SLC25A33: variants seen among roughly 807,000 people sequenced by gnomAD.
SLC25A33 encodes bone marrow stromal cell mitochondrial carrier protein.
In SLC25A33, 15 loss-of-function variants were observed where a neutral mutation model predicts 35.5. The observed-to-expected ratio is 0.42, with a 90% CI of 0.28 to 0.65. The LOEUF is 0.65. Ranked by LOEUF, SLC25A33 falls within the 30% of genes least tolerant of loss-of-function variation. SLC25A33 has a pLI of 0.20. For synonymous variants in SLC25A33, 136 were observed against 148.7 expected (o/e 0.91, Z 0.62); for missense variants, 257 against 398.5 (o/e 0.64, Z 3.02).
At chr1:9,576,378 C>T (rs1268328076) in intron 5 of SLC25A33, 1 of 360,638 alleles carries the variant, frequency 2.8e-6, no homozygotes. Context: ...CAGCACCCAA[C>T]TCCCATCTTA....
At chr1:9,557,019 C>T (rs999055437) in intron 2 of SLC25A33, among the ~76,000 whole-genome samples, 3 of 152,116 alleles carry the variant, frequency 2.0e-5, no homozygotes, top group South Asian at 4.1e-4. Flanking sequence ...GCACAACCTC[C>T]GCCTCCCAGG....
Position 9,582,232 on chromosome 1 carries a change from A to G in SLC25A33, c.764-67A>G. 4 of 1,556,252 alleles carry G rather than the reference A, an allele frequency of 2.6e-6. No homozygotes were observed. Among genetic ancestry groups the G allele is most frequent in the Non-Finnish European group, 3.5e-6 (4 of 1,128,634 alleles). On this transcript the variant is annotated intron_variant, in intron 6 of 6. Transcript: ENST00000302692. The surrounding 1 kb of genome is among the most constrained non-coding windows in gnomAD (Gnocchi z 4.0). ...CCCGGCCTAACCTTGACAGTTTTAA[A>G]GTTGTGTGCTGTGGATTCGTTCCCC...
chr1:9,556,681 C>CTGTGTGTGTGTGTGTG (rs139323135), intron 2 of SLC25A33, among the ~76,000 whole-genome samples: 34 of 149,492 alleles, frequency 2.3e-4, no homozygotes, highest in African/African-American at 8.1e-4. Context: ...GTGTCTGTGT[C>CTGTGTGTGTGTGTGTG]TGTGTGTGTG....
At chr1:9,562,155 C>T (rs1401074267) in intron 2 of SLC25A33, among the ~76,000 whole-genome samples, 1 of 151,968 alleles carries the variant, frequency 6.6e-6, no homozygotes, top group Non-Finnish European at 1.5e-5. Context: ...CAAGACCAGC[C>T]TGGCCAACAT....
At chr1:9,557,976 G>A (rs1643369672) in intron 2 of SLC25A33, among the ~76,000 whole-genome samples, 2 of 152,264 alleles carry the variant, frequency 1.3e-5, no homozygotes, top group Non-Finnish European at 2.9e-5. Flanking sequence ...AAAATTGTGG[G>A]TACATAGTAG....
At chr1:9,556,681 C>CTGTG (rs139323135) in intron 2 of SLC25A33, among the ~76,000 whole-genome samples, 102 of 149,490 alleles carry the variant, frequency 6.8e-4, no homozygotes, top group Admixed American at 1.9e-3. Context: ...GTGTCTGTGT[C>CTGTG]TGTGTGTGTG....
intron 2 of SLC25A33, among the ~76,000 whole-genome samples, chr1:9,562,973 C>T (rs1455936254): frequency 2.1e-5 from 3 of 141,552 alleles, no homozygotes; most frequent in African/African-American, 8.0e-5. Flanking sequence ...GGCTGGAGTG[C>T]AGTGGCGCAA....
chr1:9,572,914 A>C (rs1643611228), intron 4 of SLC25A33, among the ~76,000 whole-genome samples: 1 of 152,070 alleles, frequency 6.6e-6, no homozygotes, highest in Non-Finnish European at 1.5e-5. Flanking sequence ...AAAAAAAAAA[A>C]AAAATTTTTT....
At chr1:9,540,114 C>T (rs1643055261) in intron 1 of SLC25A33, among the ~76,000 whole-genome samples, 1 of 152,192 alleles carries the variant, frequency 6.6e-6, no homozygotes, top group South Asian at 2.1e-4. Flanking sequence ...CTCCTGGGGC[C>T]TCTCCCGAAG....
Position 9,564,765 on chromosome 1 carries a change from T to TATATATATATATATATAC in SLC25A33, c.237-2518_237-2517insTATATATATATATATACA, listed in dbSNP as rs59741987. 1.4e-3 allele frequency among the ~76,000 whole-genome samples: 158 copies of TATATATATATATATATAC among 114,562 alleles called. 1 individual carries two copies. Among genetic ancestry groups the TATATATATATATATATAC allele is most frequent in the East Asian group, 4.1e-3 (13 of 3,144 alleles). The allele number at this position is 114,562 out of a possible 152,430, so 75.2% of individuals were successfully genotyped here. ...ATATATATATATATATATATATATA[T>TATATATATATATATATAC]ACACAAAAATTAGCTGAGCGTGGTG... On this transcript the variant is annotated intron_variant, in intron 2 of 6. Transcript: ENST00000302692.
Position 9,582,701 on chromosome 1 carries a change from C to CT in SLC25A33, c.*209dup, listed in dbSNP as rs568761488. On this transcript the variant is annotated 3_prime_UTR_variant, in exon 7 of 7. Transcript: ENST00000302692. This position sits in a 1 kb window ranked among gnomAD's most constrained non-coding sequence, Gnocchi z 4.0. ...CATTAACGTTAATAGTTAATTATAA[C>CT]TTTTTTTTTAACTTAAGAGGATTCA... 4.4e-3 allele frequency: 2,527 copies of CT among 569,522 alleles called. 38 individuals carry two copies. Among genetic ancestry groups the CT allele is most frequent in the African/African-American group, 0.04 (2,118 of 52,966 alleles). 35.3% of individuals were successfully genotyped at this position (569,522 alleles called of 1,614,324 possible).
chr1:9,544,240 T>A (rs115459363), intron 1 of SLC25A33, among the ~76,000 whole-genome samples: 157 of 152,086 alleles, frequency 1.0e-3, no homozygotes, highest in African/African-American at 3.5e-3. Context: ...TCCTGCAAAT[T>A]AAATCTTTAT....
chr1:9,582,805 A>G lies in SLC25A33; in HGVS notation c.*304A>G, dbSNP rs984077621. The G allele has an allele frequency of 6.2e-6, 2 of 323,298 alleles. No individual in the cohort carries two copies. The highest frequency in any genetic ancestry group is 1.1e-5 in the Non-Finnish European group (2 of 174,920). The allele number at this position is 323,298 out of a possible 1,614,324, so 20.0% of individuals were successfully genotyped here. A position where few individuals can be genotyped will look rare whatever the true frequency, so the allele number is the denominator to read the frequency against. The stretch of plus-strand genomic sequence containing the variant: ...GCTTGTGTCCTCTTTTATGCTCACT[A>G]TACTATGAAGGACTTAAGTAATTCA... On this transcript the variant is annotated 3_prime_UTR_variant, in exon 7 of 7. Coordinates refer to ENST00000302692, the MANE Select transcript of SLC25A33 (RefSeq NM_032315.3). This position sits in a 1 kb window ranked among gnomAD's most constrained non-coding sequence, Gnocchi z 4.0.
intron 2 of SLC25A33, among the ~76,000 whole-genome samples, chr1:9,564,733 AAAAAAAATATAT>A (rs1213826361): frequency 1.4e-5 from 1 of 69,194 alleles, no homozygotes; most frequent in Non-Finnish European, 2.6e-5. Flanking sequence ...TTTAAAAAAA[AAAAAAAATATAT>A]ATATATATAT....
At chr1:9,572,091 T>C (rs1330502710) in intron 4 of SLC25A33, among the ~76,000 whole-genome samples, 1 of 152,214 alleles carries the variant, frequency 6.6e-6, no homozygotes, top group African/African-American at 2.4e-5. Context: ...GCTAATTATT[T>C]CTAGACCCTG....
chr1:9,547,053 G>A (rs1643184033), intron 1 of SLC25A33, among the ~76,000 whole-genome samples: 1 of 152,208 alleles, frequency 6.6e-6, no homozygotes, highest in African/African-American at 2.4e-5. Context: ...GAAATCATAT[G>A]TCCATCCCTA....
chr1:9,583,253 T>G lies in SLC25A33; in HGVS notation c.*752T>G, dbSNP rs1011934553. 7.2e-5 allele frequency: 11 copies of G among 152,042 alleles called. No homozygotes were observed. The highest frequency in any genetic ancestry group is 2.7e-4 in the African/African-American group (11 of 41,392). 9.4% of individuals were successfully genotyped at this position (152,042 alleles called of 1,614,324 possible). A position where few individuals can be genotyped will look rare whatever the true frequency, so the allele number is the denominator to read the frequency against. Reference sequence around the variant, plus strand: ...AAATTGTGTCACATTTTGGTGGTGGTGTGTGGACCAGGACAAACTTCCCAG... The same window carrying G: ...AAATTGTGTCACATTTTGGTGGTGGGGTGTGGACCAGGACAAACTTCCCAG... On this transcript the variant is annotated 3_prime_UTR_variant, in exon 7 of 7. Coordinates refer to ENST00000302692, the MANE Select transcript of SLC25A33 (RefSeq NM_032315.3).
chr1:9,584,368 AAT>A lies in SLC25A33; in HGVS notation c.*1869_*1870del, dbSNP rs1162935158. ...CTTTAGTGAAGCTTCTGTACTTTAC[AAT>A]ACATGACAGTAATGCTATTCCAGAA... On this transcript the variant is annotated 3_prime_UTR_variant, in exon 7 of 7. Transcript: ENST00000302692. 1.3e-5 allele frequency: 2 copies of A among 152,218 alleles called. No individual in the cohort carries two copies. Among genetic ancestry groups the A allele is most frequent in the Non-Finnish European group, 2.9e-5 (2 of 68,054 alleles). 9.4% of individuals were successfully genotyped at this position (152,218 alleles called of 1,614,324 possible).
At chr1:9,544,546 G>T (rs1643139766) in intron 1 of SLC25A33, among the ~76,000 whole-genome samples, 1 of 152,052 alleles carries the variant, frequency 6.6e-6, no homozygotes, top group Admixed American at 6.6e-5. Flanking sequence ...TGGGATTACA[G>T]GCGTGAGCCA....
Sources: allele counts gnomAD v4.1 joint callset (sites outside exome capture counted in the v4.1 genomes callset), GRCh38; gene constraint gnomAD v4.1.1; non-coding constraint Gnocchi (gnomAD v3.1); transcripts MANE v1.5; gene names NCBI Gene and HGNC (gene_info 2026-07-23, HGNC 2026-07-21).